Variants in MYH13 observed in about 807,000 individuals in gnomAD.
MYH13 encodes myosin-13.
Under a neutral mutation model 232.1 loss-of-function variants are expected in MYH13, and 177 were observed. That is an observed-to-expected ratio of 0.76 (90% confidence interval 0.67 to 0.86). The LOEUF is 0.86. Ranked by LOEUF, MYH13 falls within the 40% of genes least tolerant of loss-of-function variation. The pLI is 0.00. For missense variants in MYH13, 2,246 were observed against 2,405.9 expected, an observed-to-expected ratio of 0.93 and a Z score of 1.39; for synonymous variants, 884 against 923.5, an observed-to-expected ratio of 0.96 and a Z score of 0.78.
intron 20 of MYH13, among the ~76,000 whole-genome samples, chr17:10,331,515 T>C: frequency 6.6e-6 from 1 of 152,182 alleles, no homozygotes; most frequent in East Asian, 1.9e-4. Flanking sequence ...GTCAGTGAAG[T>C]ACGTGCAGGA....
rs749886416 is a variant in MYH13, at chr17:10,303,197, G to A, written c.5666C>T (p.Ala1889Val). The A allele has an allele frequency of 1.4e-5, 22 of 1,612,402 alleles. No homozygotes were observed. Among genetic ancestry groups the A allele is most frequent in the South Asian group, 7.7e-5 (7 of 91,002 alleles). ...CTGCCGGGGACCTCCTGTGCTTACC[G>A]CCTCCTCAGCCTGCCTCTTGTAAGA... ...VKSYKRQAEE[A>V]EEQANTQLSR... is the part of the protein sequence containing the mutation. The change falls in exon 39 of 41, where the codon GCG (alanine) becomes GTG (valine). Residue 1889 changes from alanine to valine, a missense_variant and splice_region_variant. By Grantham distance (64) the Ala-to-Val change is moderately conservative. Transcript: ENST00000252172.
chr17:10,316,626 A>G (rs1384410154), intron 27 of MYH13, among the ~76,000 whole-genome samples: 2 of 152,220 alleles, frequency 1.3e-5, no homozygotes, highest in African/African-American at 4.8e-5. Context: ...TGATTCGTGA[A>G]TAATTGCAAG....
chr17:10,355,572 TGC>T (rs2071742843), intron 8 of MYH13, among the ~76,000 whole-genome samples: 1 of 152,224 alleles, frequency 6.6e-6, no homozygotes, highest in South Asian at 2.1e-4. Flanking sequence ...AAGGAAGGGA[TGC>T]CAGAACATGG....
intron 11 of MYH13, 37 bp downstream of exon 11, chr17:10,354,643 T>C: frequency 6.4e-7 from 1 of 1,567,180 alleles, no homozygotes; most frequent in Non-Finnish European, 8.8e-7. Context: ...AACTCAATAA[T>C]TCTGTGCATA....
intron 33 of MYH13, among the ~76,000 whole-genome samples, chr17:10,310,101 T>C (rs1906455583): frequency 6.6e-6 from 1 of 150,648 alleles, no homozygotes; most frequent in South Asian, 2.1e-4. Flanking sequence ...TGTGTTTTTT[T>C]TTTTTTTTGG....
At chr17:10,345,093 T>C in intron 15 of MYH13, 109 bp downstream of exon 15, 1 of 1,565,262 alleles carries the variant, frequency 6.4e-7, no homozygotes, top group Admixed American at 1.8e-5. Flanking sequence ...ATCTGAAGGC[T>C]TGCAGCCTGG....
chr17:10,346,844 T>G, intron 12 of MYH13, 46 bp from the exon 13 acceptor site: 9 of 1,413,716 alleles, frequency 6.4e-6, no homozygotes, highest in South Asian at 1.2e-5. Context: ...CAGTAGCTGC[T>G]AAAGTGTCCA....
At chr17:10,321,376 C>T (rs1906932830) in intron 24 of MYH13, among the ~76,000 whole-genome samples, 156 bp downstream of exon 24, 1 of 151,960 alleles carries the variant, frequency 6.6e-6, no homozygotes, top group Non-Finnish European at 1.5e-5. Context: ...GCTCAGTATC[C>T]CAGACTCCTT....
At chr17:10,317,709 G>A (rs1906768427) in intron 27 of MYH13, 1 of 152,184 alleles carries the variant, frequency 6.6e-6, no homozygotes, top group Non-Finnish European at 1.5e-5. Flanking sequence ...TGAAGCTTGT[G>A]AAATAAGCTT....
chr17:10,344,307 T>C (rs2071643479), intron 15 of MYH13, among the ~76,000 whole-genome samples, 198 bp from the exon 16 acceptor site: 1 of 152,174 alleles, frequency 6.6e-6, no homozygotes, highest in African/African-American at 2.4e-5. Flanking sequence ...TTAATTAATA[T>C]TTGCTGAACA....
chr17:10,306,340 C>T lies in MYH13; in HGVS notation c.5466+119G>A. Reference sequence around the variant, plus strand: ...GCTCACAGGGAATTTTTCAAGCAGTCCTGAAACTGAATTTGCAATCTATTC... The same window carrying T: ...GCTCACAGGGAATTTTTCAAGCAGTTCTGAAACTGAATTTGCAATCTATTC... On this transcript the variant is annotated intron_variant, in intron 37 of 40. Transcript: ENST00000252172. This position sits in a 1 kb window ranked among gnomAD's most constrained non-coding sequence, Gnocchi z 4.3. 3.5e-6 allele frequency: 5 copies of T among 1,425,804 alleles called. No homozygotes were observed. The highest frequency in any genetic ancestry group is 4.8e-6 in the Non-Finnish European group (5 of 1,045,824). The allele number at this position is 1,425,804 out of a possible 1,614,324, so 88.3% of individuals were successfully genotyped here. A position where few individuals can be genotyped will look rare whatever the true frequency, so the allele number is the denominator to read the frequency against.
At chr17:10,331,191 G>A (rs1408442649) in intron 20 of MYH13, among the ~76,000 whole-genome samples, 3 of 152,102 alleles carry the variant, frequency 2.0e-5, no homozygotes, top group African/African-American at 2.4e-5. Context: ...TCACAGATGC[G>A]TTGGCTTCAC....
chr17:10,312,400 C>T (rs1735640952), intron 31 of MYH13, among the ~76,000 whole-genome samples, 174 bp downstream of exon 31: 1 of 152,190 alleles, frequency 6.6e-6, no homozygotes, highest in Non-Finnish European at 1.5e-5. Context: ...CAACTGGGGG[C>T]CTTCTAGGAT....
At chr17:10,357,704 G>A (rs934022084) in intron 8 of MYH13, 31 bp downstream of exon 8, 17 of 1,593,918 alleles carry the variant, frequency 1.1e-5, no homozygotes, top group Non-Finnish European at 1.5e-5. Flanking sequence ...ATGCTTTTGG[G>A]AGGATACTTG....
At chr17:10,351,279 G>C (rs559292722) in intron 11 of MYH13, among the ~76,000 whole-genome samples, 1 of 150,492 alleles carries the variant, frequency 6.6e-6, no homozygotes, top group East Asian at 2.0e-4. Context: ...AGATTTGGGG[G>C]AGCAGTTTTC....
chr17:10,302,208 T>G (rs573644869), intron 39 of MYH13, among the ~76,000 whole-genome samples: 1 of 152,262 alleles, frequency 6.6e-6, no homozygotes, highest in East Asian at 1.9e-4. Flanking sequence ...TGTGCGTGAA[T>G]TGCTCTCAAT....
At chr17:10,351,955 C>A (rs549624924) in intron 11 of MYH13, among the ~76,000 whole-genome samples, 6 of 152,220 alleles carry the variant, frequency 3.9e-5, no homozygotes, top group Non-Finnish European at 7.4e-5. Flanking sequence ...CTTGGAGTGG[C>A]ACCCCCTTTA....
In MYH13 at chr17:10,309,299, T is replaced by A. The variant is rs371176503; in HGVS notation, c.5104A>T (p.Thr1702Ser). The change falls in exon 35 of 41, where the codon ACC (threonine) becomes TCC (serine). Residue 1702 changes from threonine to serine, a missense_variant. Transcript: ENST00000252172. The part of the protein sequence containing the change: ...MKVALEQTER[T>S]RRLSEQELLD... Reference sequence around the variant, plus strand: ...AGCTCCTGCTCTGACAGCCTGCGGGTCCGCTCCGTCTGTTCCAGGGCCACC... The same window carrying A: ...AGCTCCTGCTCTGACAGCCTGCGGGACCGCTCCGTCTGTTCCAGGGCCACC... 6.2e-7 allele frequency: 1 copy of A among 1,613,746 alleles called. No individual in the cohort carries two copies. The highest frequency in any genetic ancestry group is 1.3e-5 in the African/African-American group (1 of 74,920).
chr17:10,349,327 T>C lies in MYH13; in HGVS notation c.1144+1229A>G, dbSNP rs147654426. Among the ~76,000 whole-genome samples, 578 of 152,010 alleles carry C rather than the reference T, an allele frequency of 3.8e-3. 4 individuals carry two copies. The highest frequency in any genetic ancestry group is 0.013 in the African/African-American group (540 of 41,488). ...TGTTGGCCAGACTGGTCTTGACCTA[T>C]AACCTCAGATGATCCACCCACCTCG... On this transcript the variant is annotated intron_variant, in intron 12 of 40. Transcript: ENST00000252172.
Sources: allele counts gnomAD v4.1 joint callset (sites outside exome capture counted in the v4.1 genomes callset), GRCh38; gene constraint gnomAD v4.1.1; non-coding constraint Gnocchi (gnomAD v3.1); transcripts MANE v1.5; gene names NCBI Gene and HGNC (gene_info 2026-07-23, HGNC 2026-07-21).